Variants in STK17B observed in about 807,000 individuals in gnomAD.
STK17B encodes the protein serine/threonine-protein kinase 17B.
Under a neutral mutation model 42.0 loss-of-function variants are expected in STK17B, and 21 were observed. The observed-to-expected ratio is 0.50, with a 90% CI of 0.35 to 0.72. The LOEUF (loss-of-function observed/expected upper bound fraction) is 0.72. Among genes scored for constraint, STK17B ranks in the 30% least tolerant of loss-of-function variants. The pLI, the probability that STK17B is intolerant of heterozygous loss-of-function variation, is 0.00. For missense variants in STK17B, 349 were observed against 446.0 expected (o/e 0.78, Z 1.96); for synonymous variants, 143 against 148.4 (o/e 0.96, Z 0.26).
chr2:196,171,914 T>C (rs1177638865), upstream of STK17B, among the ~76,000 whole-genome samples: 1 of 152,090 alleles, frequency 6.6e-6, no homozygotes, highest in Non-Finnish European at 1.5e-5. Context: ...GAGAGGTCAG[T>C]TCGAGAGGTG....
chr2:196,172,362 A>G (rs190503409), upstream of STK17B, among the ~76,000 whole-genome samples: 235 of 152,368 alleles, frequency 1.5e-3, no homozygotes, highest in African/African-American at 5.4e-3. Context: ...TTTTACATAG[A>G]TATATAATCC....
chr2:196,147,130 G>C (rs1048195033), intron 3 of STK17B, among the ~76,000 whole-genome samples: 27 of 152,102 alleles, frequency 1.8e-4, no homozygotes, highest in Admixed American at 1.7e-3. Flanking sequence ...ATCTAAATAA[G>C]ATAAAATTAG....
At chr2:196,164,833 C>T (rs1378063946) in intron 1 of STK17B, among the ~76,000 whole-genome samples, 1 of 152,118 alleles carries the variant, frequency 6.6e-6, no homozygotes, top group Non-Finnish European at 1.5e-5. Context: ...AAAATTATAG[C>T]TTTCACATAA....
intron 3 of STK17B, among the ~76,000 whole-genome samples, chr2:196,155,100 A>C (rs748892020): frequency 6.6e-6 from 1 of 152,208 alleles, no homozygotes; most frequent in South Asian, 2.1e-4. Flanking sequence ...GTTCTTATGT[A>C]TATTCATCCT....
At chr2:196,142,410 C>T (rs1341833138) in intron 5 of STK17B, among the ~76,000 whole-genome samples, 1 of 152,080 alleles carries the variant, frequency 6.6e-6, no homozygotes, top group Non-Finnish European at 1.5e-5. Flanking sequence ...TTATCAAGGA[C>T]CTAATTTCCA....
chr2:196,173,606 A>G (rs543770369), upstream of STK17B, among the ~76,000 whole-genome samples: 205 of 152,304 alleles, frequency 1.3e-3, 1 homozygote, highest in African/African-American at 4.9e-3. Flanking sequence ...TCAGAAGTCA[A>G]TACATTCCTC....
In STK17B at chr2:196,164,823, A is replaced by G. The variant is rs1298399986; in HGVS notation, c.-44-1396T>C. ...AGACCTTGTCTCAAAAAATTAAATT[A>G]AAATTATAGCTTTCACATAACTAGA... is the stretch of plus-strand genomic sequence containing the variant. On this transcript the variant is annotated intron_variant, in intron 1 of 7. Transcript: ENST00000263955. Among the ~76,000 whole-genome samples the G allele has an allele frequency of 2.6e-5, 4 of 152,196 alleles. No individual in the cohort carries two copies. The East Asian group carries it at 7.7e-4, about 29-fold the overall frequency.
intron 6 of STK17B, among the ~76,000 whole-genome samples, chr2:196,141,024 CACAG>C (rs1699487177): frequency 6.6e-6 from 1 of 152,186 alleles, no homozygotes; most frequent in African/African-American, 2.4e-5. Flanking sequence ...GAGTTTTCAT[CACAG>C]AGAGAGATTT....
intron 2 of STK17B, among the ~76,000 whole-genome samples, chr2:196,157,155 AAAAAT>A (rs1453224849): frequency 7.4e-6 from 1 of 135,230 alleles, no homozygotes; most frequent in Non-Finnish European, 1.6e-5. Flanking sequence ...GTCTCAAAAA[AAAAAT>A]AAAAAAAAGA....
chr2:196,138,547 T>C (rs2105672649), intron 7 of STK17B, among the ~76,000 whole-genome samples: 1 of 152,086 alleles, frequency 6.6e-6, no homozygotes, highest in East Asian at 1.9e-4. Context: ...AGACGGTGCT[T>C]AACTAACCTC....
At chr2:196,154,226 C>CCAACAACAACTCCAACAA (rs1699707930) in intron 3 of STK17B, 1 of 147,308 alleles carries the variant, frequency 6.8e-6, no homozygotes, top group Non-Finnish European at 1.5e-5. Context: ...GAGCAAGACT[C>CCAACAACAACTCCAACAA]CAACAACAAC....
rs2105669226 is a variant in STK17B at position 196,136,639 on chromosome 2, T to C, written c.*808A>G. The stretch of plus-strand genomic sequence containing the variant: ...TATGTTTGACTAAAAATACAGAATA[T>C]TTAACTATACCTAAGTATCTTCTAC... On this transcript the variant is annotated 3_prime_UTR_variant, in exon 8 of 8. Coordinates refer to ENST00000263955, the MANE Select transcript of STK17B (RefSeq NM_004226.4). The C allele has an allele frequency of 6.6e-6, 1 of 152,316 alleles. No homozygotes were observed. Among genetic ancestry groups the C allele is most frequent in the South Asian group, 2.1e-4 (1 of 4,830 alleles). The allele number at this position is 152,316 out of a possible 1,614,324, so 9.4% of individuals were successfully genotyped here.
At chr2:196,173,600 A>C (rs2105723397), upstream of STK17B, among the ~76,000 whole-genome samples, 1 of 152,264 alleles carries the variant, frequency 6.6e-6, no homozygotes, top group East Asian at 1.9e-4. Context: ...GAAAATTCAG[A>C]AGTCAATACA....
upstream of STK17B, among the ~76,000 whole-genome samples, chr2:196,172,335 T>A (rs539219289): frequency 8.8e-4 from 134 of 152,388 alleles, no homozygotes; most frequent in African/African-American, 3.2e-3. Flanking sequence ...TTCAAAGTTC[T>A]GTGCAAGACA....
rs1209692697 is a variant in STK17B at position 196,136,081 on chromosome 2, G to T, written c.*1366C>A. 1 of 152,136 alleles carries T rather than the reference G, an allele frequency of 6.6e-6. No homozygotes were observed. Among genetic ancestry groups the T allele is most frequent in the Non-Finnish European group, 1.5e-5 (1 of 68,028 alleles). The allele number at this position is 152,136 out of a possible 1,614,324, so 9.4% of individuals were successfully genotyped here. ...CTTACCAAAATTTTGAGAAGTTAAA[G>T]GTCTAAAGGGGGAACATCAGGTTGT... is the stretch of plus-strand genomic sequence containing the variant. On this transcript the variant is annotated 3_prime_UTR_variant, in exon 8 of 8. Transcript: ENST00000263955.
intron 1 of STK17B, among the ~76,000 whole-genome samples, chr2:196,168,949 T>C (rs1258051640): frequency 2.0e-5 from 3 of 152,106 alleles, no homozygotes; most frequent in Non-Finnish European, 4.4e-5. Context: ...AGTGGAAAGG[T>C]AGTAGATAAA....
At chr2:196,160,283 G>A (rs555618441) in intron 2 of STK17B, among the ~76,000 whole-genome samples, 25 of 152,240 alleles carry the variant, frequency 1.6e-4, no homozygotes, top group African/African-American at 6.0e-4. Context: ...GGAAGCTGAC[G>A]TTTATTTCTG....
At chr2:196,164,925 G>A (rs1206550144) in intron 1 of STK17B, among the ~76,000 whole-genome samples, 1 of 152,162 alleles carries the variant, frequency 6.6e-6, no homozygotes, top group Non-Finnish European at 1.5e-5. Flanking sequence ...ATCTCTAGGA[G>A]TCAAAGGGTT....
At chr2:196,138,518 T>A (rs1699441310) in intron 7 of STK17B, among the ~76,000 whole-genome samples, 1 of 152,158 alleles carries the variant, frequency 6.6e-6, no homozygotes, top group Non-Finnish European at 1.5e-5. Context: ...GTAAAGCTAG[T>A]GGGTCTTTAT....
Sources: gnomAD v4.1 joint callset for allele counts (sites outside exome capture counted in the v4.1 genomes callset) on GRCh38, gnomAD v4.1.1 for gene constraint, MANE v1.5 for transcripts, NCBI Gene and HGNC (gene_info 2026-07-23, HGNC 2026-07-21) for gene names.